Variants in CLPTM1L observed in about 807,000 individuals in gnomAD.
CLPTM1L encodes lipid scramblase CLPTM1L.
Under a neutral mutation model 70.9 loss-of-function variants are expected in CLPTM1L, and 38 were observed. The observed-to-expected ratio is 0.54, with a 90% CI of 0.41 to 0.70. The LOEUF (loss-of-function observed/expected upper bound fraction) is 0.70. Among genes scored for constraint, CLPTM1L ranks in the 30% least tolerant of loss-of-function variants. The pLI is 0.00. For synonymous variants in CLPTM1L, 339 were observed against 299.9 expected (o/e 1.13, Z -1.35); for missense variants, 652 against 705.9 (o/e 0.92, Z 0.87).
intron 10 of CLPTM1L, chr5:1,325,534 C>T: frequency 1.8e-6 from 1 of 567,424 alleles, no homozygotes; most frequent in Non-Finnish European, 3.2e-6. Context: ...GTGCTGCCGT[C>T]TGCACTGAAG....
At position 1,318,259 on chromosome 5, in the gene CLPTM1L, G is replaced by A; in HGVS notation, c.*110C>T. 1 of 841,540 alleles carries A rather than the reference G, an allele frequency of 1.2e-6. No individual in the cohort carries two copies. Among genetic ancestry groups the A allele is most frequent in the Non-Finnish European group, 1.9e-6 (1 of 515,894 alleles). 52.1% of individuals were successfully genotyped at this position (841,540 alleles called of 1,614,324 possible). ...GGGAGATGTCTGAGAAATGTCCGAA[G>A]GGATTTTGGCAACACAGAAAACGCA... On this transcript the variant is annotated 3_prime_UTR_variant, in exon 17 of 17. Transcript: ENST00000320895. The surrounding 1 kb of genome is among the most constrained non-coding windows in gnomAD (Gnocchi z 8.9).
chr5:1,334,325 G>A lies in CLPTM1L; in HGVS notation c.855C>T (p.Tyr285=), dbSNP rs1475214416. Residue 285 remains tyrosine, a synonymous_variant, in exon 7 of 17, where the codon TAC becomes TAT. Coordinates refer to ENST00000320895, the MANE Select transcript of CLPTM1L (RefSeq NM_030782.5). The part of the protein sequence containing the change: ...VKGIFVDTNL[Y]FLALTFFVAA... ...CGACAAAGAAGGTCAGCGCCAGGAA[G>A]TATAAGTTGGTATCTACAAAAATTC... 1.4e-5 allele frequency: 23 copies of A among 1,613,800 alleles called. No individual in the cohort carries two copies. In the South Asian group the frequency reaches 2.4e-4, roughly 17 times the overall value.
intron 2 of CLPTM1L, 24 bp from the exon 3 acceptor site, chr5:1,341,884 C>T (rs1471288088): frequency 3.8e-6 from 6 of 1,575,734 alleles, no homozygotes; most frequent in Non-Finnish European, 5.2e-6. Flanking sequence ...ATCATTTCCA[C>T]TACATACATA....
intron 11 of CLPTM1L, 55 bp downstream of exon 11, chr5:1,324,708 T>G: frequency 2.7e-6 from 4 of 1,486,004 alleles, no homozygotes; most frequent in African/African-American, 1.4e-5. Flanking sequence ...AGACCCGTCT[T>G]TGAGGGTGTT....
intron 12 of CLPTM1L, among the ~76,000 whole-genome samples, chr5:1,323,359 T>C (rs367803038): frequency 1.9e-3 from 175 of 94,376 alleles, no homozygotes; most frequent in African/African-American, 6.2e-3. Context: ...GGCTCCGGGA[T>C]CCCTCTTGGC....
intron 11 of CLPTM1L, chr5:1,324,154 C>A: frequency 2.3e-6 from 1 of 443,586 alleles, no homozygotes; most frequent in Non-Finnish European, 4.0e-6. Context: ...CACAACAGAT[C>A]AATAAACATA....
intron 7 of CLPTM1L, among the ~76,000 whole-genome samples, chr5:1,333,707 AG>A (rs1168202215): frequency 0.014 from 1,263 of 91,912 alleles, no homozygotes; most frequent in South Asian, 0.034. Context: ...CAAGAGGATA[AG>A]GGGGGACTAC....
chr5:1,318,584 C>T lies in CLPTM1L; in HGVS notation c.1533-131G>A, dbSNP rs996582087. 4 of 730,826 alleles carry T rather than the reference C, an allele frequency of 5.5e-6. No individual in the cohort carries two copies. The highest frequency in any genetic ancestry group is 5.0e-5 in the Admixed American group (2 of 40,170). The allele number at this position is 730,826 out of a possible 1,614,324, so 45.3% of individuals were successfully genotyped here. The stretch of plus-strand genomic sequence containing the variant: ...GAGCAAATTAACTAAAAAGTCGAAT[C>T]CTCAGAAGTTTTACTGCCGAGGGCT... On this transcript the variant is annotated intron_variant, in intron 16 of 16. Transcript: ENST00000320895. This position sits in a 1 kb window ranked among gnomAD's most constrained non-coding sequence, Gnocchi z 8.9.
At position 1,335,164 on chromosome 5, in the gene CLPTM1L, C is replaced by A; in HGVS notation, c.689G>T (p.Arg230Leu). ...NRVKDLMVIN[R>L]STTELPLTVS... ...GGTGAGGGGCAGCTCGGTGGTGGAG[C>A]GGTTTATGACCTGATGAAGAAAGCC... Residue 230 changes from arginine to leucine, a missense_variant, in exon 6 of 17, where the codon CGC (arginine) becomes CTC (leucine). This residue lies in a region of CLPTM1L where 402 missense variants were observed against 388.2 expected (regional missense o/e 1.04). Coordinates refer to ENST00000320895, the MANE Select transcript of CLPTM1L (RefSeq NM_030782.5). The A allele has an allele frequency of 6.2e-7, 1 of 1,613,404 alleles. No individual in the cohort carries two copies. Among genetic ancestry groups the A allele is most frequent in the Non-Finnish European group, 8.5e-7 (1 of 1,179,850 alleles).
chr5:1,336,649 T>G (rs189064616), intron 5 of CLPTM1L, among the ~76,000 whole-genome samples: 50 of 152,112 alleles, frequency 3.3e-4, no homozygotes, highest in African/African-American at 1.1e-3. Context: ...ACCAGCAAAC[T>G]CCAGCAAACA....
At chr5:1,339,903 C>G (rs1263895775) in intron 3 of CLPTM1L, among the ~76,000 whole-genome samples, 12 of 149,308 alleles carry the variant, frequency 8.0e-5, no homozygotes, top group African/African-American at 2.2e-4. Context: ...ACAGCAGGGT[C>G]AGCGCCCTAA....
intron 7 of CLPTM1L, among the ~76,000 whole-genome samples, chr5:1,333,625 C>G (rs1212715219): frequency 1.5e-5 from 2 of 133,458 alleles, no homozygotes; most frequent in South Asian, 2.3e-4. Context: ...TGTATACACA[C>G]CAGATGAGGA....
rs183842520 is a variant in CLPTM1L, at chr5:1,343,467, C to T, written c.263+884G>A. ...CTAGCTGTCCTTGGTAACTGGTACA[C>T]GGCCCGGCACGGAAGAGGCAGTATT... On this transcript the variant is annotated intron_variant, in intron 2 of 16. Transcript: ENST00000320895. Among the ~76,000 whole-genome samples, 19 of 152,326 alleles carry T rather than the reference C, an allele frequency of 1.2e-4. No homozygotes were observed. The East Asian group carries it at 3.3e-3, about 26-fold the overall frequency.
At chr5:1,333,438 A>T (rs1579641976) in intron 7 of CLPTM1L, among the ~76,000 whole-genome samples, 1 of 140,068 alleles carries the variant, frequency 7.1e-6, no homozygotes, top group African/African-American at 2.7e-5. Context: ...ATAAGGGGGG[A>T]CTACTGTATA....
intron 9 of CLPTM1L, among the ~76,000 whole-genome samples, chr5:1,328,478 T>G (rs1297454646): frequency 2.0e-5 from 3 of 147,508 alleles, no homozygotes; most frequent in Non-Finnish European, 3.0e-5. Flanking sequence ...GCAGACACAT[T>G]CCATCCAGCT....
chr5:1,331,831 T>C lies in CLPTM1L; in HGVS notation c.944A>G (p.Lys315Arg). Reference sequence around the variant, plus strand: ...GGTGGACATGCCGATCATGCTCTTCTTCTTCTTCCAGAAACTGATGTCATT... The same window carrying C: ...GGTGGACATGCCGATCATGCTCTTCCTCTTCTTCCAGAAACTGATGTCATT... ...FKNDISFWKK[K>R]KSMIGMSTKA... The change falls in exon 8 of 17, where the codon AAG becomes AGG. Residue 315 changes from lysine (K) to arginine (R), a missense_variant. Transcript: ENST00000320895. The C allele has an allele frequency of 1.9e-6, 3 of 1,613,446 alleles. No individual in the cohort carries two copies. Among genetic ancestry groups the C allele is most frequent in the Non-Finnish European group, 2.5e-6 (3 of 1,179,976 alleles).
At position 1,334,263 on chromosome 5, in the gene CLPTM1L, G is replaced by A. The variant is rs143792345; in HGVS notation, c.891+26C>T. Reference sequence around the variant, plus strand: ...CCCAGGGAGCCCCCCAAGTGCCTGCGGCAAGCCCCCCGGTGGATGACTCAC... The same window carrying A: ...CCCAGGGAGCCCCCCAAGTGCCTGCAGCAAGCCCCCCGGTGGATGACTCAC... On this transcript the variant is annotated intron_variant, in intron 7 of 16. Transcript: ENST00000320895. 36 of 1,592,106 alleles carry A rather than the reference G, an allele frequency of 2.3e-5. No individual in the cohort carries two copies. The Middle Eastern group carries it at 5.0e-4, about 22-fold the overall frequency.
At chr5:1,328,953 C>A (rs1561237718) in intron 9 of CLPTM1L, among the ~76,000 whole-genome samples, 2 of 151,986 alleles carry the variant, frequency 1.3e-5, no homozygotes, top group African/African-American at 2.4e-5. Context: ...CCATCCAGCT[C>A]CTCCTCTACA....
rs1490417720 is a variant in CLPTM1L at position 1,342,574 on chromosome 5, T to C, written c.264-714A>G. Among the ~76,000 whole-genome samples, 2 of 152,242 alleles carry C rather than the reference T, an allele frequency of 1.3e-5. No homozygotes were observed. The highest frequency in any genetic ancestry group is 1.9e-4 in the East Asian group (1 of 5,196). ...CGCATTCCACCTGTTTACGGTTACA[T>C]GAGTTCTTCTTCCTCTTTAAAAGTC... On this transcript the variant is annotated intron_variant, in intron 2 of 16. Transcript: ENST00000320895. This position sits in a 1 kb window ranked among gnomAD's most constrained non-coding sequence, Gnocchi z 4.3.
Sources: gnomAD v4.1 joint callset for allele counts (sites outside exome capture counted in the v4.1 genomes callset) on GRCh38, gnomAD v4.1.1 for gene constraint, gnomAD v4.1.1 regional missense constraint, Gnocchi (gnomAD v3.1) non-coding constraint, MANE v1.5 for transcripts, NCBI Gene and HGNC (gene_info 2026-07-23, HGNC 2026-07-21) for gene names.